F2: variants seen among roughly 807,000 people sequenced by gnomAD.
F2 encodes the protein coagulation factor II, thrombin.
Under a neutral mutation model 81.9 loss-of-function variants are expected in F2, and 34 were observed. That is an observed-to-expected ratio of 0.42 (90% CI 0.32 to 0.55). The LOEUF is 0.55. Ranked by LOEUF, F2 falls within the 20% of genes least tolerant of loss-of-function variation. The probability of loss-of-function intolerance (pLI) is 0.18; values close to 1 mark genes in which losing one functional copy is unlikely to be tolerated. For missense variants in F2, 630 were observed against 833.4 expected (o/e 0.76, Z 3.00); for synonymous variants, 296 against 326.4 (o/e 0.91, Z 1.01).
In F2 at chr11:46,719,509, C is replaced by G. The variant is rs142903294; in HGVS notation, c.80-193C>G. 271 of 934,732 alleles carry G rather than the reference C, an allele frequency of 2.9e-4. 1 individual carries two copies. The East Asian group carries it at 5.9e-3, about 20-fold the overall frequency. The allele number at this position is 934,732 out of a possible 1,614,324, so 57.9% of individuals were successfully genotyped here. A position where few individuals can be genotyped will look rare whatever the true frequency, so the allele number is the denominator to read the frequency against. ...TGCTTCTCTCTTCCAATATAGGGAG[C>G]AGGCTGGGGGCAAGGGGCAGTGTAG... On this transcript the variant is annotated intron_variant, in intron 1 of 13. Transcript: ENST00000311907. The surrounding 1 kb of genome is among the most constrained non-coding windows in gnomAD (Gnocchi z 4.7).
chr11:46,735,446 AAAAGG>A (rs1260632671), intron 12 of F2, among the ~76,000 whole-genome samples: 1 of 151,908 alleles, frequency 6.6e-6, no homozygotes, highest in African/African-American at 2.4e-5. Flanking sequence ...TCTCAAAAAA[AAAAGG>A]AAAAAGAAAA....
chr11:46,739,175 ACT>A, intron 13 of F2, 57 bp downstream of exon 13: 1 of 1,613,358 alleles, frequency 6.2e-7, no homozygotes, highest in Non-Finnish European at 8.5e-7. Context: ...GTGGGGAGAA[ACT>A]CTAGTATCTA....
Position 46,726,644 on chromosome 11 carries a change from C to T in F2, c.1003+18C>T, listed in dbSNP as rs117682331. ...AGAGGCAGGTGAGGTAGTGGGCATC[C>T]GAGGGGATGCGGGGCTGCGGGGCTG... On this transcript the variant is annotated intron_variant, in intron 8 of 13. Coordinates refer to ENST00000311907, the MANE Select transcript of F2 (RefSeq NM_000506.5). The surrounding 1 kb of genome is among the most constrained non-coding windows in gnomAD (Gnocchi z 5.9). 4.8e-3 allele frequency: 7,708 copies of T among 1,603,286 alleles called. 60 individuals carry two copies. The highest frequency in any genetic ancestry group is 4.4e-3 in the Non-Finnish European group (5,182 of 1,169,928).
At chr11:46,738,744 G>A (rs1328789332) in intron 12 of F2, among the ~76,000 whole-genome samples, 1 of 152,226 alleles carries the variant, frequency 6.6e-6, no homozygotes, top group African/African-American at 2.4e-5. Context: ...CCCTGGTCTG[G>A]TCCAACTTTT....
intron 11 of F2, 102 bp from the exon 12 acceptor site, chr11:46,729,278 C>A: frequency 7.5e-7 from 1 of 1,324,622 alleles, no homozygotes; most frequent in African/African-American, 1.4e-5. Context: ...CTGTGCCCAG[C>A]CAGCTCTGGC....
rs17847082 is a variant in F2 at position 46,729,611 on chromosome 11, G to T, written c.1654+50G>T. On this transcript the variant is annotated intron_variant, in intron 12 of 13. Coordinates refer to ENST00000311907, the MANE Select transcript of F2 (RefSeq NM_000506.5). ...GGGAACAGTGGGGCCCAAGCTGGGA[G>T]AACTGAGTTGTGCCTGGGTTCAAGC... 239 of 1,589,548 alleles carry T rather than the reference G, an allele frequency of 1.5e-4. No homozygotes were observed. In the East Asian group the frequency reaches 5.3e-3, roughly 35 times the overall value.
In F2 at chr11:46,725,953, G is replaced by T; in HGVS notation, c.654G>T (p.Gly218=). 1 of 1,613,926 alleles carries T rather than the reference G, an allele frequency of 6.2e-7. No individual in the cohort carries two copies. Among genetic ancestry groups the T allele is most frequent in the Non-Finnish European group, 8.5e-7 (1 of 1,180,030 alleles). ...TGGAGCAGTGTGTCCCTGATCGGGG[G>T]CAGCAGTACCAGGGGCGCCTGGCGG... The part of the protein sequence containing the change: ...PPLEQCVPDR[G]QQYQGRLAVT... Residue 218 remains glycine, a synonymous_variant, in exon 7 of 14, where the codon GGG becomes GGT. Transcript: ENST00000311907.
intron 12 of F2, among the ~76,000 whole-genome samples, chr11:46,733,566 T>A (rs1385670582): frequency 6.6e-6 from 1 of 152,104 alleles, no homozygotes; most frequent in Admixed American, 6.6e-5. Flanking sequence ...TGTCATTTTT[T>A]AGAGATTTTT....
rs548292081 is a variant in F2, at chr11:46,726,212, A to G, written c.874+39A>G. On this transcript the variant is annotated intron_variant, in intron 7 of 13. Coordinates refer to ENST00000311907, the MANE Select transcript of F2 (RefSeq NM_000506.5). This position sits in a 1 kb window ranked among gnomAD's most constrained non-coding sequence, Gnocchi z 5.9. ...GTAGGGGGCCTGAGTTGCAGGGACA[A>G]ATCCTGGTGGGAATAACAACAGCCG... is the stretch of plus-strand genomic sequence containing the variant. The G allele has an allele frequency of 1.6e-5, 26 of 1,607,938 alleles. No individual in the cohort carries two copies. In the East Asian group the frequency reaches 5.4e-4, roughly 33 times the overall value.
rs1200098359 is a variant in F2, at chr11:46,719,372, C to T, written c.79+58C>T. 1 of 1,550,852 alleles carries T rather than the reference C, an allele frequency of 6.4e-7. No individual in the cohort carries two copies. Among genetic ancestry groups the T allele is most frequent in the Non-Finnish European group, 8.8e-7 (1 of 1,139,402 alleles). ...GAGGACTGGGGTGTGGGCCCATGGG[C>T]TGGGGTCTCCTGGCTGGACAGAGCA... On this transcript the variant is annotated intron_variant, in intron 1 of 13. Transcript: ENST00000311907. The surrounding 1 kb of genome is among the most constrained non-coding windows in gnomAD (Gnocchi z 4.7).
intron 12 of F2, among the ~76,000 whole-genome samples, chr11:46,735,364 C>T (rs1284253865): frequency 6.6e-6 from 1 of 151,972 alleles, no homozygotes; most frequent in Non-Finnish European, 1.5e-5. Flanking sequence ...TCATTTGAAC[C>T]CAGGAGGTGG....
rs965524411 is a variant in F2, at chr11:46,728,498, G to A, written c.1299-166G>A. Among the ~76,000 whole-genome samples, 2 of 152,158 alleles carry A rather than the reference G, an allele frequency of 1.3e-5. No homozygotes were observed. Among genetic ancestry groups the A allele is most frequent in the African/African-American group, 4.8e-5 (2 of 41,436 alleles). On this transcript the variant is annotated intron_variant, in intron 10 of 13. Transcript: ENST00000311907. This position sits in a 1 kb window ranked among gnomAD's most constrained non-coding sequence, Gnocchi z 5.1. ...GACTCCAAAGCCCTGCACGGCTTTA[G>A]GCCCAGGAAGAAACACCCAGGGGGC...
Position 46,736,151 on chromosome 11 carries a change from C to CGA in F2, c.1655-2894_1655-2893dup. 2.0e-5 allele frequency among the ~76,000 whole-genome samples: 3 copies of CGA among 151,476 alleles called. No individual in the cohort carries two copies. In the Middle Eastern group the frequency reaches 0.01, roughly 522 times the overall value. ...CTGGGAGGAGGAGGTTGCAGTGAGC[C>CGA]GAGATGGTGCCACTGCACTCCAGCC... On this transcript the variant is annotated intron_variant, in intron 12 of 13. Coordinates refer to ENST00000311907, the MANE Select transcript of F2 (RefSeq NM_000506.5).
intron 4 of F2, among the ~76,000 whole-genome samples, chr11:46,721,850 T>C (rs1346600553): frequency 6.6e-6 from 1 of 151,634 alleles, no homozygotes; most frequent in East Asian, 1.9e-4. Flanking sequence ...CATTTTTTTT[T>C]TTTTTTTTTT....
intron 13 of F2, 48 bp from the exon 14 acceptor site, chr11:46,739,217 T>A (rs1278203694): frequency 6.2e-7 from 1 of 1,613,808 alleles, no homozygotes; most frequent in South Asian, 1.1e-5. Context: ...GGAATACTGA[T>A]GTGACCTTGA....
Position 46,723,168 on chromosome 11 carries a change from G to T in F2, c.317-12G>T, listed in dbSNP as rs1460921150. The T allele has an allele frequency of 2.5e-6, 4 of 1,612,506 alleles. No individual in the cohort carries two copies. In the South Asian group the frequency reaches 4.4e-5, roughly 18 times the overall value. On this transcript the variant is annotated splice_polypyrimidine_tract_variant and intron_variant, in intron 4 of 13. Coordinates refer to ENST00000311907, the MANE Select transcript of F2 (RefSeq NM_000506.5). This position sits in a 1 kb window ranked among gnomAD's most constrained non-coding sequence, Gnocchi z 5.6. Reference sequence around the variant, plus strand: ...CCAGGCTCCAAGGCTGACCGGGGTGGGGTCTCCGCAGGTAACTGTGCTGAG... The same window carrying T: ...CCAGGCTCCAAGGCTGACCGGGGTGTGGTCTCCGCAGGTAACTGTGCTGAG...
At chr11:46,721,826 G>A (rs1271755285) in intron 4 of F2, among the ~76,000 whole-genome samples, 1 of 151,806 alleles carries the variant, frequency 6.6e-6, no homozygotes, top group Non-Finnish European at 1.5e-5. Flanking sequence ...CACCATGCCT[G>A]GCTGCCATAC....
Position 46,725,969 on chromosome 11 carries a change from C to A in F2, c.670C>A (p.Arg224Ser). Residue 224 changes from arginine to serine, a missense_variant, in exon 7 of 14, where the codon CGC becomes AGC. By Grantham distance (110) the Arg-to-Ser change is moderately radical. Transcript: ENST00000311907. ...VPDRGQQYQG[R>S]LAVTTHGLPC... ...TGATCGGGGGCAGCAGTACCAGGGG[C>A]GCCTGGCGGTGACCACACATGGGCT... is the stretch of plus-strand genomic sequence containing the variant. 6.2e-7 allele frequency: 1 copy of A among 1,613,902 alleles called. No homozygotes were observed. Among genetic ancestry groups the A allele is most frequent in the Non-Finnish European group, 8.5e-7 (1 of 1,179,998 alleles).
chr11:46,728,196 G>A lies in F2; in HGVS notation c.1298+33G>A. On this transcript the variant is annotated intron_variant, in intron 10 of 13. Coordinates refer to ENST00000311907, the MANE Select transcript of F2 (RefSeq NM_000506.5). This position sits in a 1 kb window ranked among gnomAD's most constrained non-coding sequence, Gnocchi z 5.1. ...ACTGGTGGCCCGTGGGTGTCTGGCA[G>A]GGGTCTGAGTCCTCCAAAGCGATCA... 6.3e-7 allele frequency: 1 copy of A among 1,594,960 alleles called. No individual in the cohort carries two copies. The highest frequency in any genetic ancestry group is 8.5e-7 in the Non-Finnish European group (1 of 1,171,004).
Sources: allele counts gnomAD v4.1 joint callset (sites outside exome capture counted in the v4.1 genomes callset), GRCh38; gene constraint gnomAD v4.1.1; non-coding constraint Gnocchi (gnomAD v3.1); transcripts MANE v1.5; gene names NCBI Gene and HGNC (gene_info 2026-07-23, HGNC 2026-07-21).